Variants in PSG8 observed in about 807,000 individuals in gnomAD.
PSG8 encodes pregnancy-specific beta-1-glycoprotein 8.
In PSG8, 57 loss-of-function variants were observed where a neutral mutation model predicts 42.5. The observed-to-expected ratio is 1.34, with a 90% CI of 1.08 to 1.67. PSG8 has a LOEUF of 1.67. Among genes scored for constraint, PSG8 ranks in the 40% most tolerant of loss-of-function variants. PSG8 has a pLI of 0.00. For missense variants in PSG8, 783 were observed against 518.6 expected (o/e 1.51, Z -4.95); for synonymous variants, 280 against 196.8 (o/e 1.42, Z -3.54).
In PSG8 at chr19:42,757,910, T is replaced by G. The variant is rs567418738; in HGVS notation, c.709+92A>C. The stretch of plus-strand genomic sequence containing the variant: ...TGATGTCCAGGGGTAAAGGTCTCTG[T>G]ACTTGGACCTGAGAGGGACTGAGAG... On this transcript the variant is annotated intron_variant, in intron 3 of 4. Transcript: ENST00000306511. 4.0e-5 allele frequency: 65 copies of G among 1,613,172 alleles called. No individual in the cohort carries two copies. The African/African-American group carries it at 8.1e-4, about 20-fold the overall frequency.
At chr19:42,754,699 A>C in intron 4 of PSG8, 112 bp from the exon 5 acceptor site, 1 of 1,365,642 alleles carries the variant, frequency 7.3e-7, no homozygotes, top group Non-Finnish European at 9.9e-7. Flanking sequence ...CTCAAGTCCC[A>C]GCCCAACCCC....
In PSG8 at chr19:42,763,940, C is replaced by G; in HGVS notation, c.406G>C (p.Gly136Arg). ...CGATATAAGGTGAAGGTGAAATGTCCAGTTACTCCTCTATTCTCATCACCT... is the reference window on the plus strand; with the variant it reads ...CGATATAAGGTGAAGGTGAAATGTCGAGTTACTCCTCTATTCTCATCACCT... ...MGGDENRGVT[G>R]HFTFTLYLET... is the part of the protein sequence containing the mutation. Residue 136 changes from glycine to arginine, a missense_variant, in exon 2 of 5, where the codon GGA (glycine) becomes CGA (arginine). Gly to Arg is a moderately radical substitution (Grantham distance 125). Transcript: ENST00000306511. 2.5e-6 allele frequency: 4 copies of G among 1,613,690 alleles called. No individual in the cohort carries two copies. Among genetic ancestry groups the G allele is most frequent in the Non-Finnish European group, 3.4e-6 (4 of 1,179,772 alleles).
At position 42,755,169 on chromosome 19, in the gene PSG8, G is replaced by A. The variant is rs772891067; in HGVS notation, c.807C>T (p.Tyr269=). The A allele has an allele frequency of 6.2e-6, 10 of 1,611,910 alleles. No individual in the cohort carries two copies. The highest frequency in any genetic ancestry group is 2.2e-5 in the South Asian group (2 of 90,972). ...NFTCEPKSEN[Y]TYIWWLNGQS... ...GACCATTTAGCCACCAAATGTAGGT[G>A]TAGTTCTCACTCTTAGGTTCACAGG... Residue 269 remains tyrosine (Y), a synonymous_variant, in exon 4 of 5, where the codon TAC becomes TAT. Transcript: ENST00000306511.
chr19:42,756,667 G>A (rs1039507840), intron 3 of PSG8, among the ~76,000 whole-genome samples: 4 of 151,820 alleles, frequency 2.6e-5, no homozygotes, highest in Admixed American at 6.6e-5. Context: ...ATTAGTTTTC[G>A]GTGAATTCCA....
chr19:42,753,374 A>C, downstream of PSG8: 1 of 780,384 alleles, frequency 1.3e-6, no homozygotes, highest in South Asian at 1.3e-5. Flanking sequence ...GGTAATGTCC[A>C]GTCTACAGGT....
intron 2 of PSG8, among the ~76,000 whole-genome samples, chr19:42,763,281 C>G (rs2122279678): frequency 1.3e-5 from 2 of 152,268 alleles, no homozygotes; most frequent in Middle Eastern, 3.4e-3. Flanking sequence ...AGGCAGTTGT[C>G]TGATGGCCTA....
Position 42,764,271 on chromosome 19 carries a change from T to C in PSG8, c.75A>G (p.Leu25=). Residue 25 remains leucine (L), a synonymous_variant, in exon 2 of 5, where the codon TTA becomes TTG. Transcript: ENST00000306511. The stretch of plus-strand genomic sequence containing the variant: ...CAGTCGTGGGTGGGTTCCAGAAGTT[T>C]AAAAGTGATGCTAGGAGGTGGAGAG... ...WKGLLLTASL[L]NFWNPPTTAQ... 6.2e-7 allele frequency: 1 copy of C among 1,613,080 alleles called. No homozygotes were observed. The highest frequency in any genetic ancestry group is 8.5e-7 in the Non-Finnish European group (1 of 1,179,472).
At chr19:42,757,436 T>C (rs1373132394) in intron 3 of PSG8, among the ~76,000 whole-genome samples, 2 of 151,884 alleles carry the variant, frequency 1.3e-5, no homozygotes, top group Admixed American at 6.6e-5. Flanking sequence ...TTTTAGTGAT[T>C]TGGGGGATAA....
chr19:42,757,549 T>C (rs1969957179), intron 3 of PSG8, among the ~76,000 whole-genome samples: 1 of 152,058 alleles, frequency 6.6e-6, no homozygotes. Flanking sequence ...ACTTCCCCTG[T>C]ATGGTAATAG....
At position 42,758,143 on chromosome 19, in the gene PSG8, A is replaced by C; in HGVS notation, c.568T>G (p.Ser190Ala). ...WWMNGQSLPM[S>A]HRLQLSETNR... ...GTTTCAGACAACTGCAACCTGTGAG[A>C]CATAGGGAGGCTCTGACCATTCATC... Residue 190 changes from serine to alanine, a missense_variant, in exon 3 of 5, where the codon TCT becomes GCT. Ser to Ala is a moderately conservative substitution (Grantham distance 99). Coordinates refer to ENST00000306511, the MANE Select transcript of PSG8 (RefSeq NM_182707.3). The C allele has an allele frequency of 6.2e-7, 1 of 1,614,038 alleles. No individual in the cohort carries two copies.
At chr19:42,765,446 TA>T in intron 1 of PSG8, 71 bp downstream of exon 1, 2 of 1,591,964 alleles carry the variant, frequency 1.3e-6, no homozygotes, top group Non-Finnish European at 8.6e-7. Flanking sequence ...TAGTACCCCA[TA>T]CTCTCAAGGA....
chr19:42,760,507 A>T (rs893683925), intron 2 of PSG8, among the ~76,000 whole-genome samples: 1 of 152,166 alleles, frequency 6.6e-6, no homozygotes, highest in Admixed American at 6.5e-5. Context: ...CTATTGACGT[A>T]TCCTCAAGCT....
At chr19:42,759,600 T>G (rs200621759) in intron 2 of PSG8, among the ~76,000 whole-genome samples, 59 of 152,180 alleles carry the variant, frequency 3.9e-4, no homozygotes, top group East Asian at 1.5e-3. Flanking sequence ...TGGTCAGAAG[T>G]GTTGAGTTTT....
rs771295135 is a variant in PSG8 at position 42,754,266 on chromosome 19, C to T, written c.*29G>A. On this transcript the variant is annotated 3_prime_UTR_variant, in exon 5 of 5. Coordinates refer to ENST00000306511, the MANE Select transcript of PSG8 (RefSeq NM_182707.3). ...GCTGGGAATAAAAATGTTTTCCTGA[C>T]TCTTCCCTGAAGGCCAGATAGACTC... 4 of 1,607,106 alleles carry T rather than the reference C, an allele frequency of 2.5e-6. No homozygotes were observed. In the African/African-American group the frequency reaches 5.4e-5, roughly 22 times the overall value.
intron 3 of PSG8, among the ~76,000 whole-genome samples, chr19:42,756,622 C>CT (rs927042999): frequency 3.3e-5 from 5 of 151,046 alleles, no homozygotes; most frequent in Non-Finnish European, 5.9e-5. Flanking sequence ...TATTCTTGCC[C>CT]TTTTTTTTTC....
downstream of PSG8, chr19:42,753,153 G>C (rs570208587): frequency 1.5e-4 from 105 of 701,244 alleles, 1 homozygote; most frequent in Middle Eastern, 1.1e-3. Flanking sequence ...TCATCCACTT[G>C]TTGTCCTGGT....
At chr19:42,765,184 A>G (rs1327828763) in intron 1 of PSG8, among the ~76,000 whole-genome samples, 11 of 146,160 alleles carry the variant, frequency 7.5e-5, no homozygotes, top group Non-Finnish European at 7.4e-5. Context: ...ATGGAGTCTC[A>G]TACTGTCTCC....
intron 2 of PSG8, among the ~76,000 whole-genome samples, chr19:42,760,199 C>T (rs1220130368): frequency 6.6e-6 from 1 of 152,100 alleles, no homozygotes; most frequent in African/African-American, 2.4e-5. Flanking sequence ...GGCAATGGCT[C>T]ATGTGTCTCC....
intron 2 of PSG8, among the ~76,000 whole-genome samples, chr19:42,760,367 T>C (rs1009366384): frequency 2.0e-5 from 3 of 152,206 alleles, no homozygotes; most frequent in African/African-American, 2.4e-5. Flanking sequence ...ACAGCCTTTG[T>C]AGTTGTCCCA....
Sources: allele counts gnomAD v4.1 joint callset (sites outside exome capture counted in the v4.1 genomes callset), GRCh38; gene constraint gnomAD v4.1.1; transcripts MANE v1.5; gene names NCBI Gene and HGNC (gene_info 2026-07-23, HGNC 2026-07-21).